Variants in LRRC63 observed in about 807,000 individuals in gnomAD.
The protein encoded by LRRC63 is leucine-rich repeat-containing protein 63.
LRRC63 carries 40 observed loss-of-function variants against 49.5 expected under a neutral mutation model. That is an observed-to-expected ratio of 0.81 (90% CI 0.63 to 1.05). The LOEUF (loss-of-function observed/expected upper bound fraction) is 1.05. Among genes scored for constraint, LRRC63 ranks in the 50% least tolerant of loss-of-function variants. LRRC63 has a pLI of 0.00. For synonymous variants in LRRC63, 191 were observed against 221.1 expected, an observed-to-expected ratio of 0.86 and a Z score of 1.21; for missense variants, 636 against 663.1, an observed-to-expected ratio of 0.96 and a Z score of 0.45.
intron 3 of LRRC63, 141 bp downstream of exon 3, chr13:46,228,330 C>G: frequency 1.5e-6 from 1 of 685,774 alleles, no homozygotes; most frequent in South Asian, 2.0e-5. Flanking sequence ...ACATGTAATA[C>G]TTGAGCCATA....
At chr13:46,258,614 C>G (rs560527755) in intron 7 of LRRC63, among the ~76,000 whole-genome samples, 22 of 150,354 alleles carry the variant, frequency 1.5e-4, no homozygotes, top group Admixed American at 2.6e-4. Flanking sequence ...TCGAGACCAT[C>G]CTGGCCAACA....
At chr13:46,265,109 G>A (rs1594096403) in intron 8 of LRRC63, among the ~76,000 whole-genome samples, 1 of 151,938 alleles carries the variant, frequency 6.6e-6, no homozygotes, top group East Asian at 1.9e-4. Flanking sequence ...GCAGTGAGCC[G>A]AGATCAGGCC....
intron 2 of LRRC63, among the ~76,000 whole-genome samples, chr13:46,226,891 C>A (rs2046593075): frequency 6.6e-6 from 1 of 152,162 alleles, no homozygotes; most frequent in African/African-American, 2.4e-5. Flanking sequence ...AGAAAAATGT[C>A]ATTTCACATT....
At chr13:46,223,805 G>A (rs866190528) in intron 2 of LRRC63, among the ~76,000 whole-genome samples, 4 of 152,096 alleles carry the variant, frequency 2.6e-5, no homozygotes, top group Non-Finnish European at 4.4e-5. Flanking sequence ...GCAGTGAGCT[G>A]AGATTGTGCC....
rs1422210819 is a variant in LRRC63 at position 46,263,794 on chromosome 13, A to G, written c.1310+1802A>G. Among the ~76,000 whole-genome samples the G allele has an allele frequency of 2.0e-5, 3 of 152,302 alleles. No individual in the cohort carries two copies. The East Asian group carries it at 5.8e-4, about 29-fold the overall frequency. ...TGTTTATTTAGCACTTAAATCTTAC[A>G]AGCATTTTAGTTCATTCTCCTTTTA... On this transcript the variant is annotated intron_variant, in intron 8 of 9. Transcript: ENST00000595396.
intron 4 of LRRC63, among the ~76,000 whole-genome samples, chr13:46,229,002 C>T (rs1421753665): frequency 6.6e-6 from 1 of 152,110 alleles, no homozygotes; most frequent in Non-Finnish European, 1.5e-5. Context: ...TATGAATTAA[C>T]TATTTGCCAT....
At chr13:46,241,804 AAAG>A (rs2047071150) in intron 5 of LRRC63, among the ~76,000 whole-genome samples, 1 of 152,210 alleles carries the variant, frequency 6.6e-6, no homozygotes, top group Non-Finnish European at 1.5e-5. Flanking sequence ...CAATTACTAA[AAAG>A]AAAAAAAAAT....
At chr13:46,236,381 T>C (rs2046905539) in intron 5 of LRRC63, among the ~76,000 whole-genome samples, 1 of 152,150 alleles carries the variant, frequency 6.6e-6, no homozygotes, top group Non-Finnish European at 1.5e-5. Context: ...TATAATCTAA[T>C]TGTCAAAAGC....
chr13:46,238,597 T>C (rs1464577823), intron 5 of LRRC63, among the ~76,000 whole-genome samples: 1 of 152,178 alleles, frequency 6.6e-6, no homozygotes, highest in African/African-American at 2.4e-5. Context: ...GCAGGGGAAC[T>C]GCCCTTTATA....
At chr13:46,253,629 T>A (rs1008723616) in intron 7 of LRRC63, among the ~76,000 whole-genome samples, 3 of 152,124 alleles carry the variant, frequency 2.0e-5, no homozygotes, top group African/African-American at 7.2e-5. Flanking sequence ...GAGCTTGGAC[T>A]CCTCAAAGGC....
chr13:46,236,325 A>C (rs538134877), intron 5 of LRRC63, among the ~76,000 whole-genome samples: 2 of 152,276 alleles, frequency 1.3e-5, no homozygotes, highest in South Asian at 4.1e-4. Flanking sequence ...CAGGAAGCTC[A>C]ATCAACTCCA....
exon 3 of LRRC63, chr13:46,227,521 G>T (rs2046610575): frequency 6.8e-7 from 1 of 1,480,956 alleles, no homozygotes; most frequent in Non-Finnish European, 9.0e-7. Flanking sequence ...GCTAAAACTG[G>T]TAAAATTGAG....
At position 46,252,646 on chromosome 13, in the gene LRRC63, A is replaced by T. The variant is rs184222926; in HGVS notation, c.1226+2155A>T. ...GAAGGGTGAGAGTTGGTTCCCTGGA[A>T]GATGTAGTATTTGATCCAAAGTTGA... On this transcript the variant is annotated intron_variant, in intron 7 of 9. Coordinates refer to ENST00000595396, the Ensembl canonical transcript of LRRC63. 2.6e-5 allele frequency among the ~76,000 whole-genome samples: 4 copies of T among 152,172 alleles called. No individual in the cohort carries two copies. In the East Asian group the frequency reaches 7.7e-4, roughly 29 times the overall value.
chr13:46,244,846 T>G (rs1190350157), intron 5 of LRRC63, among the ~76,000 whole-genome samples: 3 of 152,270 alleles, frequency 2.0e-5, no homozygotes, highest in Non-Finnish European at 2.9e-5. Flanking sequence ...AATGGTAAAC[T>G]TTAGCCTAAA....
At chr13:46,255,026 GATTA>G (rs1222756045) in intron 7 of LRRC63, among the ~76,000 whole-genome samples, 2 of 152,150 alleles carry the variant, frequency 1.3e-5, no homozygotes, top group Admixed American at 1.3e-4. Context: ...TCCATTAACA[GATTA>G]ATTAATGAAT....
intron 4 of LRRC63, among the ~76,000 whole-genome samples, chr13:46,233,636 A>G (rs901189132): frequency 6.6e-6 from 1 of 152,208 alleles, no homozygotes; most frequent in Non-Finnish European, 1.5e-5. Flanking sequence ...GGGTCATAAT[A>G]AAGTAAATTT....
chr13:46,224,764 G>C (rs1180399700), intron 2 of LRRC63, among the ~76,000 whole-genome samples: 1 of 152,220 alleles, frequency 6.6e-6, no homozygotes, highest in Non-Finnish European at 1.5e-5. Context: ...TGTTGGTTGG[G>C]TAGGGCACTT....
chr13:46,234,305 A>T, exon 5 of LRRC63: 1 of 1,550,302 alleles, frequency 6.5e-7, no homozygotes. Context: ...CAACCTGGCC[A>T]TAGTAAACTG....
intron 2 of LRRC63, among the ~76,000 whole-genome samples, chr13:46,214,875 T>C (rs2046202939): frequency 6.6e-6 from 1 of 152,180 alleles, no homozygotes; most frequent in East Asian, 1.9e-4. Context: ...TGGTTTTCTT[T>C]TCCTGTGTTA....
Sources: gnomAD v4.1 joint callset for allele counts (sites outside exome capture counted in the v4.1 genomes callset) on GRCh38, gnomAD v4.1.1 for gene constraint, MANE v1.5 for transcripts, NCBI Gene and HGNC (gene_info 2026-07-23, HGNC 2026-07-21) for gene names.